PTPRN2: variants seen among roughly 807,000 people sequenced by gnomAD.
PTPRN2 encodes the protein protein tyrosine phosphatase receptor type N2.
Under a neutral mutation model 118.8 loss-of-function variants are expected in PTPRN2, and 74 were observed. The observed-to-expected ratio is 0.62, with a 90% CI of 0.52 to 0.76. PTPRN2 has a LOEUF of 0.76. Ranked by LOEUF, PTPRN2 falls within the 30% of genes least tolerant of loss-of-function variation. The pLI, the probability that PTPRN2 is intolerant of heterozygous loss-of-function variation, is 0.00. For missense variants in PTPRN2, 1,481 were observed against 1,394.4 expected, an observed-to-expected ratio of 1.06 and a Z score of -0.99; for synonymous variants, 641 against 608.0, an observed-to-expected ratio of 1.05 and a Z score of -0.80.
intron 21 of PTPRN2, among the ~76,000 whole-genome samples, chr7:157,553,522 C>T (rs1318410725): frequency 1.3e-5 from 2 of 152,178 alleles, no homozygotes; most frequent in African/African-American, 4.8e-5. Context: ...TCTCTTATTT[C>T]ATGACATCGT....
In PTPRN2 at chr7:157,964,657, T is replaced by C. The variant is rs1313022760; in HGVS notation, c.1724-65920A>G. ...CCCTGTGATGGCCTTACTTGGCGTG[T>C]GGAGCTGTGACCACCAGGGCCAACC... On this transcript the variant is annotated intron_variant, in intron 11 of 22. Coordinates refer to ENST00000389418, the MANE Select transcript of PTPRN2 (RefSeq NM_002847.5). This position sits in a 1 kb window ranked among gnomAD's most constrained non-coding sequence, Gnocchi z 9.0. 6.6e-6 allele frequency among the ~76,000 whole-genome samples: 1 copy of C among 152,188 alleles called. No homozygotes were observed. The highest frequency in any genetic ancestry group is 1.9e-4 in the East Asian group (1 of 5,192).
At chr7:157,740,024 C>T (rs1222753839) in intron 12 of PTPRN2, among the ~76,000 whole-genome samples, 1 of 152,200 alleles carries the variant, frequency 6.6e-6, no homozygotes, top group East Asian at 1.9e-4. Flanking sequence ...TGGATCTTTT[C>T]ATTAATTTTT....
At chr7:158,386,308 G>C (rs1474950502) in intron 2 of PTPRN2, among the ~76,000 whole-genome samples, 1 of 107,628 alleles carries the variant, frequency 9.3e-6, no homozygotes, top group Non-Finnish European at 1.9e-5. Flanking sequence ...CGTGCCCCGA[G>C]TCCCTCCTCC....
At chr7:158,373,042 C>T (rs567450045) in intron 2 of PTPRN2, among the ~76,000 whole-genome samples, 176 of 152,316 alleles carry the variant, frequency 1.2e-3, no homozygotes, top group African/African-American at 4.0e-3. Flanking sequence ...CTGCACAGGG[C>T]AGCACGGCCG....
chr7:157,654,022 G>A (rs1805875326), intron 14 of PTPRN2, among the ~76,000 whole-genome samples: 1 of 80,478 alleles, frequency 1.2e-5, no homozygotes, highest in South Asian at 4.5e-4. Context: ...TCCACACGAC[G>A]CCCGCCTCTC....
rs570477230 is a variant in PTPRN2, at chr7:158,304,647, C to A, written c.277+12172G>T. On this transcript the variant is annotated intron_variant, in intron 3 of 22. Transcript: ENST00000389418. ...AAACACTAAGCAGGGTCTTCCAGGG[C>A]ATAGGTGAATTCAAAGATTTCTGAA... Among the ~76,000 whole-genome samples the A allele has an allele frequency of 1.1e-4, 16 of 152,336 alleles. No homozygotes were observed. In the East Asian group the frequency reaches 2.9e-3, roughly 28 times the overall value.
rs375785144 is a variant in PTPRN2 at position 158,509,093 on chromosome 7, G to A, written c.113-19308C>T. On this transcript the variant is annotated intron_variant, in intron 1 of 22. Coordinates refer to ENST00000389418, the MANE Select transcript of PTPRN2 (RefSeq NM_002847.5). The surrounding 1 kb of genome is among the most constrained non-coding windows in gnomAD (Gnocchi z 4.4). The stretch of plus-strand genomic sequence containing the variant: ...GATAAGAAGGGGAGGAAGAAGATGG[G>A]GACTGGGAGGGGAGAGGGAGAGAGA... 6.6e-4 allele frequency among the ~76,000 whole-genome samples: 101 copies of A among 152,136 alleles called. 1 individual carries two copies. The South Asian group carries it at 0.021, about 31-fold the overall frequency.
At chr7:158,545,532 C>T (rs574116264) in intron 1 of PTPRN2, among the ~76,000 whole-genome samples, 7 of 152,284 alleles carry the variant, frequency 4.6e-5, no homozygotes, top group East Asian at 1.9e-4. Context: ...TCAGGGTTTG[C>T]GCTATTCTGG....
rs74860400 is a variant in PTPRN2 at position 157,994,803 on chromosome 7, T to C, written c.1723+86495A>G. On this transcript the variant is annotated intron_variant, in intron 11 of 22. Coordinates refer to ENST00000389418, the MANE Select transcript of PTPRN2 (RefSeq NM_002847.5). ...ACTCCTTGTTCCTAAATCAACGCCGTGTCCCCAGCTTACAGCTCCTTGTTC... is the reference window on the plus strand; with the variant it reads ...ACTCCTTGTTCCTAAATCAACGCCGCGTCCCCAGCTTACAGCTCCTTGTTC... Among the ~76,000 whole-genome samples the C allele has an allele frequency of 8.6e-4, 8 of 9,316 alleles. 2 individuals are homozygous for C. The highest frequency in any genetic ancestry group is 5.1e-3 in the African/African-American group (5 of 974). 6.1% of individuals were successfully genotyped at this position (9,316 alleles called of 152,430 possible). A position where few individuals can be genotyped will look rare whatever the true frequency, so the allele number is the denominator to read the frequency against.
chr7:158,432,669 A>T (rs1332966134), intron 2 of PTPRN2, among the ~76,000 whole-genome samples: 1 of 152,234 alleles, frequency 6.6e-6, no homozygotes, highest in Admixed American at 6.5e-5. Context: ...TATGCATTCC[A>T]AAGCGTTCAC....
chr7:157,729,916 G>A lies in PTPRN2; in HGVS notation c.1789-46979C>T, dbSNP rs556493965. Among the ~76,000 whole-genome samples, 31 of 152,270 alleles carry A rather than the reference G, an allele frequency of 2.0e-4. No homozygotes were observed. Among genetic ancestry groups the A allele is most frequent in the African/African-American group, 5.5e-4 (23 of 41,560 alleles). The stretch of plus-strand genomic sequence containing the variant: ...CCACGTGTGTCTGTGAGTGTGACTC[G>A]GAGGAGTCCAGCATTGGATTCAGTG... On this transcript the variant is annotated intron_variant, in intron 12 of 22. Transcript: ENST00000389418. This position sits in a 1 kb window ranked among gnomAD's most constrained non-coding sequence, Gnocchi z 4.3.
chr7:157,890,987 C>T (rs1404896081), intron 12 of PTPRN2, among the ~76,000 whole-genome samples: 2 of 152,012 alleles, frequency 1.3e-5, no homozygotes, highest in Non-Finnish European at 2.9e-5. Flanking sequence ...GGCAGCTCCT[C>T]CCCACCTCCC....
intron 9 of PTPRN2, among the ~76,000 whole-genome samples, 182 bp downstream of exon 9, chr7:158,133,495 C>T (rs1412218091): frequency 6.6e-6 from 1 of 152,206 alleles, no homozygotes; most frequent in African/African-American, 2.4e-5. Context: ...TCAGGAGGAG[C>T]CACTGTCCAG....
rs1805803834 is a variant in PTPRN2 at position 158,337,284 on chromosome 7, C to A, written c.164-20352G>T. 2.0e-5 allele frequency among the ~76,000 whole-genome samples: 3 copies of A among 151,670 alleles called. No homozygotes were observed. In the South Asian group the frequency reaches 6.3e-4, roughly 32 times the overall value. ...TGCAGACGTCACTCAAACTCACACT[C>A]TCACCATAAGAGCTGTCACGCACAG... On this transcript the variant is annotated intron_variant, in intron 2 of 22. Transcript: ENST00000389418.
intron 3 of PTPRN2, among the ~76,000 whole-genome samples, chr7:158,302,468 C>T (rs1800966309): frequency 1.3e-5 from 2 of 152,234 alleles, no homozygotes; most frequent in South Asian, 4.1e-4. Context: ...TCCAGCTCAC[C>T]TTCTCCCTCT....
intron 5 of PTPRN2, among the ~76,000 whole-genome samples, chr7:158,189,015 T>C (rs950666831): frequency 5.9e-5 from 9 of 152,178 alleles, no homozygotes; most frequent in Admixed American, 5.2e-4. Flanking sequence ...GCATCCTGTC[T>C]CTGGCAGGAA....
chr7:157,965,679 C>A (rs913776179), intron 11 of PTPRN2, among the ~76,000 whole-genome samples: 4 of 152,132 alleles, frequency 2.6e-5, no homozygotes, highest in Admixed American at 6.5e-5. Flanking sequence ...GTGTTCTTTT[C>A]TTATCATCTT....
chr7:157,611,802 A>C lies in PTPRN2; in HGVS notation c.2345-7727T>G, dbSNP rs947823063. ...TCATGCTGGGGACACGCGGAGGGAG[A>C]GCGCCCGTGTGAAGACGAAGACAGC... On this transcript the variant is annotated intron_variant, in intron 15 of 22. Transcript: ENST00000389418. This position sits in a 1 kb window ranked among gnomAD's most constrained non-coding sequence, Gnocchi z 5.9. Among the ~76,000 whole-genome samples, 95 of 145,374 alleles carry C rather than the reference A, an allele frequency of 6.5e-4. No homozygotes were observed. Among genetic ancestry groups the C allele is most frequent in the African/African-American group, 2.4e-3 (90 of 37,482 alleles).
chr7:158,316,806 A>T lies in PTPRN2; in HGVS notation c.277+13T>A. 6.3e-7 allele frequency: 1 copy of T among 1,582,730 alleles called. No homozygotes were observed. ...TGCGGCAGCCGCCGAGCCTCGGCCC[A>T]CGCCCGCCCTACCTGTGCCGGAAAG... On this transcript the variant is annotated intron_variant, in intron 3 of 22. Coordinates refer to ENST00000389418, the MANE Select transcript of PTPRN2 (RefSeq NM_002847.5).
Sources: gnomAD v4.1 joint callset for allele counts (sites outside exome capture counted in the v4.1 genomes callset) on GRCh38, gnomAD v4.1.1 for gene constraint, Gnocchi (gnomAD v3.1) non-coding constraint, MANE v1.5 for transcripts, NCBI Gene and HGNC (gene_info 2026-07-23, HGNC 2026-07-21) for gene names.